The following IL1RAPL2 variants were observed in gnomAD, a reference collection of about 807,000 sequenced individuals.
IL1RAPL2 encodes X-linked interleukin-1 receptor accessory protein-like 2.
Under a neutral mutation model 44.1 loss-of-function variants are expected in IL1RAPL2, and 3 were observed. The observed-to-expected ratio is 0.07, with a 90% CI of 0.03 to 0.18. The LOEUF is 0.18. Ranked by LOEUF, IL1RAPL2 falls within the 10% of genes least tolerant of loss-of-function variation. The probability of loss-of-function intolerance (pLI) is 1.00; values close to 1 mark genes in which losing one functional copy is unlikely to be tolerated. For synonymous variants in IL1RAPL2, 181 were observed against 178.8 expected, an observed-to-expected ratio of 1.01 and a Z score of -0.10; for missense variants, 391 against 496.4, an observed-to-expected ratio of 0.79 and a Z score of 2.02.
At chrX:105,561,521 G>A (rs1426738405) in intron 6 of IL1RAPL2, among the ~76,000 whole-genome samples, 1 of 111,974 alleles carries the variant, frequency 8.9e-6, no homozygotes, top group Non-Finnish European at 1.9e-5. Flanking sequence ...ATAAGTCACA[G>A]CTGGTAGTTA....
intron 5 of IL1RAPL2, among the ~76,000 whole-genome samples, chrX:105,436,736 A>G (rs1013149219): frequency 9.0e-6 from 1 of 110,859 alleles, no homozygotes; most frequent in Non-Finnish European, 1.9e-5. Context: ...AGGGATAAAG[A>G]GTCAGAACAG....
intron 6 of IL1RAPL2, among the ~76,000 whole-genome samples, chrX:105,503,595 C>T (rs2036411151): frequency 9.0e-6 from 1 of 111,676 alleles, no homozygotes; most frequent in African/African-American, 3.3e-5. Flanking sequence ...TGGATGACTA[C>T]AACATACCCT....
intron 2 of IL1RAPL2, among the ~76,000 whole-genome samples, chrX:104,962,946 A>G (rs2030037008): frequency 8.9e-6 from 1 of 111,813 alleles, no homozygotes; most frequent in Non-Finnish European, 1.9e-5. Context: ...CACAAATGCT[A>G]GGCATTATTT....
At chrX:105,167,925 A>G (rs2033385351) in intron 2 of IL1RAPL2, among the ~76,000 whole-genome samples, 1 of 111,482 alleles carries the variant, frequency 9.0e-6, no homozygotes, top group African/African-American at 3.3e-5. Flanking sequence ...TTCCCCTTGT[A>G]TAGGTGGGGA....
intron 2 of IL1RAPL2, among the ~76,000 whole-genome samples, chrX:104,781,074 T>TA (rs1156334548): frequency 9.0e-6 from 1 of 110,897 alleles, no homozygotes; most frequent in African/African-American, 3.3e-5. Flanking sequence ...GTTTTATTTT[T>TA]TTTTTTGTTA....
intron 2 of IL1RAPL2, among the ~76,000 whole-genome samples, chrX:104,864,518 C>T (rs1008343284): frequency 2.7e-5 from 3 of 111,854 alleles, no homozygotes; most frequent in African/African-American, 9.7e-5. Flanking sequence ...CGGAACATGT[C>T]GTGATGGTTA....
intron 2 of IL1RAPL2, among the ~76,000 whole-genome samples, chrX:104,987,789 T>C (rs2030588845): frequency 9.0e-6 from 1 of 111,146 alleles, no homozygotes; most frequent in Non-Finnish European, 1.9e-5. Context: ...CAAATACAAA[T>C]GGGTATGATG....
chrX:105,016,670 G>C (rs1311117334), intron 2 of IL1RAPL2, among the ~76,000 whole-genome samples: 3 of 111,863 alleles, frequency 2.7e-5, no homozygotes, highest in African/African-American at 9.7e-5. Context: ...AAGCCAACTT[G>C]ATCGTGGTGG....
chrX:104,855,749 C>T (rs1303034897), intron 2 of IL1RAPL2, among the ~76,000 whole-genome samples: 1 of 99,313 alleles, frequency 1.0e-5, no homozygotes, highest in Non-Finnish European at 2.0e-5. Flanking sequence ...ACTGTAGCCT[C>T]GACCTGCTGG....
chrX:104,987,103 T>A (rs1053016069), intron 2 of IL1RAPL2, among the ~76,000 whole-genome samples: 34 of 112,158 alleles, frequency 3.0e-4, no homozygotes, highest in Non-Finnish European at 6.2e-4. Context: ...TCCCATTTTC[T>A]CACATTTTGG....
intron 2 of IL1RAPL2, among the ~76,000 whole-genome samples, chrX:104,678,477 A>T (rs1323444511): frequency 8.9e-6 from 1 of 111,876 alleles, no homozygotes; most frequent in South Asian, 3.8e-4. Context: ...CGTCTAAGTT[A>T]GCCTTTTTAT....
intron 3 of IL1RAPL2, among the ~76,000 whole-genome samples, chrX:105,213,278 C>G (rs1270216755): frequency 9.2e-6 from 1 of 108,990 alleles, no homozygotes; most frequent in Admixed American, 1.0e-4. Flanking sequence ...TAGAGAGGAA[C>G]ATAAATGACC....
At chrX:105,225,694 A>AT (rs146344873) in intron 3 of IL1RAPL2, among the ~76,000 whole-genome samples, 22 of 106,237 alleles carry the variant, frequency 2.1e-4, no homozygotes, top group African/African-American at 6.6e-4. Flanking sequence ...ATTTTATTTT[A>AT]TTTTTTTTTC....
At chrX:104,573,694 C>G (rs1283740511) in intron 1 of IL1RAPL2, among the ~76,000 whole-genome samples, 1 of 112,137 alleles carries the variant, frequency 8.9e-6, no homozygotes, top group Non-Finnish European at 1.9e-5. Flanking sequence ...TTATAAAGAA[C>G]TTGATCTATC....
intron 5 of IL1RAPL2, among the ~76,000 whole-genome samples, chrX:105,408,030 A>G (rs913967890): frequency 2.7e-4 from 30 of 112,054 alleles, no homozygotes; most frequent in African/African-American, 9.7e-4. Context: ...TACTGCAATC[A>G]AAGCTTATAT....
At chrX:104,716,445 A>G (rs1345374117) in intron 2 of IL1RAPL2, among the ~76,000 whole-genome samples, 2 of 111,774 alleles carry the variant, frequency 1.8e-5, no homozygotes, top group Non-Finnish European at 3.8e-5. Flanking sequence ...TAATTAAACT[A>G]AAGAGCTTCT....
At chrX:105,226,696 C>T (rs2034019153) in intron 3 of IL1RAPL2, among the ~76,000 whole-genome samples, 1 of 110,065 alleles carries the variant, frequency 9.1e-6, no homozygotes, top group Non-Finnish European at 1.9e-5. Context: ...GCCACTGGGC[C>T]CAGCCCCCGT....
At chrX:104,855,082 T>C (rs1377254418) in intron 2 of IL1RAPL2, among the ~76,000 whole-genome samples, 1 of 112,445 alleles carries the variant, frequency 8.9e-6, no homozygotes, top group African/African-American at 3.2e-5. Flanking sequence ...CTTTTATAAA[T>C]GATTCTAGAA....
At chrX:105,157,099 C>T (rs1306124321) in intron 2 of IL1RAPL2, among the ~76,000 whole-genome samples, 1 of 90,354 alleles carries the variant, frequency 1.1e-5, no homozygotes, top group Non-Finnish European at 2.1e-5. Flanking sequence ...ATTTTGGTTT[C>T]GAGTTAGCAA....
Sources: gnomAD v4.1 joint callset for allele counts (sites outside exome capture counted in the v4.1 genomes callset) on GRCh38, gnomAD v4.1.1 for gene constraint, MANE v1.5 for transcripts, NCBI Gene and HGNC (gene_info 2026-07-23, HGNC 2026-07-21) for gene names.